Variants in GBE1 observed in about 807,000 individuals in gnomAD.
The protein encoded by GBE1 is 1,4-alpha-glucan branching enzyme 1.
A neutral mutation model predicts 88.8 loss-of-function variants in GBE1; 70 were observed. The observed-to-expected ratio is 0.79, with a 90% confidence interval of 0.65 to 0.96. The LOEUF is 0.96. GBE1 is among the 40% of genes least tolerant of loss of function. The pLI is 0.00. For missense variants in GBE1, 872 were observed against 871.0 expected, an observed-to-expected ratio of 1.00 and a Z score of -0.01; for synonymous variants, 284 against 300.1, an observed-to-expected ratio of 0.95 and a Z score of 0.56.
At position 81,657,572 on chromosome 3, in the gene GBE1, G is replaced by A. The variant is rs147113693; in HGVS notation, c.430-7651C>T. ...TTAATATATAAAAGACCACTTCCTG[G>A]GTGAATTTTTCTAAAACTGTACATA... is the stretch of plus-strand genomic sequence containing the variant. On this transcript the variant is annotated intron_variant, in intron 3 of 15. Coordinates refer to ENST00000429644, the MANE Select transcript of GBE1 (RefSeq NM_000158.4). Among the ~76,000 whole-genome samples the A allele has an allele frequency of 4.1e-3, 625 of 151,966 alleles. 9 individuals are homozygous for A. Among genetic ancestry groups the A allele is most frequent in the Middle Eastern group, 0.014 (4 of 294 alleles).
At chr3:81,558,714 T>A (rs1703381317) in intron 12 of GBE1, among the ~76,000 whole-genome samples, 1 of 152,136 alleles carries the variant, frequency 6.6e-6, no homozygotes, top group South Asian at 2.1e-4. Flanking sequence ...AATGTTAATG[T>A]GTATAATGAT....
At chr3:81,599,323 T>TGC (rs1189229935) in intron 7 of GBE1, among the ~76,000 whole-genome samples, 2 of 152,118 alleles carry the variant, frequency 1.3e-5, no homozygotes, top group African/African-American at 4.8e-5. Context: ...TGTGCTTGTG[T>TGC]GCGTGTGTGT....
At chr3:81,525,355 C>A (rs959541905) in intron 14 of GBE1, among the ~76,000 whole-genome samples, 1 of 151,980 alleles carries the variant, frequency 6.6e-6, no homozygotes, top group African/African-American at 2.4e-5. Context: ...ATATGTTGAA[C>A]CAGCCTTGCA....
chr3:81,550,789 A>C (rs1703261179), intron 12 of GBE1, among the ~76,000 whole-genome samples: 1 of 152,218 alleles, frequency 6.6e-6, no homozygotes, highest in Non-Finnish European at 1.5e-5. Flanking sequence ...ATGTGGTCTT[A>C]AAAGAGGAGG....
At chr3:81,745,158 TCTGCAA>T (rs1279233756) in intron 1 of GBE1, among the ~76,000 whole-genome samples, 1 of 152,128 alleles carries the variant, frequency 6.6e-6, no homozygotes, top group Non-Finnish European at 1.5e-5. Flanking sequence ...TTCTTACAAA[TCTGCAA>T]CAGTAAAACT....
chr3:81,607,601 TCTG>T (rs1450162256), intron 7 of GBE1, among the ~76,000 whole-genome samples: 1 of 152,100 alleles, frequency 6.6e-6, no homozygotes, highest in African/African-American at 2.4e-5. Flanking sequence ...GGCAATTAAT[TCTG>T]CTAACTATTC....
chr3:81,647,089 T>C (rs1704776479), intron 5 of GBE1, among the ~76,000 whole-genome samples: 1 of 151,788 alleles, frequency 6.6e-6, no homozygotes, highest in Admixed American at 6.6e-5. Flanking sequence ...CCCAAGTAGC[T>C]GGAACTACAG....
At chr3:81,664,163 G>T (rs1005743945) in intron 3 of GBE1, among the ~76,000 whole-genome samples, 1 of 152,104 alleles carries the variant, frequency 6.6e-6, no homozygotes, top group African/African-American at 2.4e-5. Context: ...ATGAAGAGGA[G>T]GGTCAATCTG....
rs569182597 is a variant in GBE1 at position 81,715,968 on chromosome 3, C to A, written c.144-10355G>T. Among the ~76,000 whole-genome samples the A allele has an allele frequency of 2.6e-5, 4 of 152,196 alleles. No individual in the cohort carries two copies. The South Asian group carries it at 8.3e-4, about 32-fold the overall frequency. ...AAAAAACTGGAATTGCTCTGCTATG[C>A]TAATTTTAATACAAAAATAAAATTT... On this transcript the variant is annotated intron_variant, in intron 1 of 15. Transcript: ENST00000429644.
At chr3:81,575,703 GCT>G (rs1394611938) in intron 12 of GBE1, among the ~76,000 whole-genome samples, 1 of 152,068 alleles carries the variant, frequency 6.6e-6, no homozygotes, top group East Asian at 1.9e-4. Context: ...TTCTTAAATT[GCT>G]CTTTTTAAAT....
At chr3:81,637,351 A>T (rs1254862134) in intron 7 of GBE1, among the ~76,000 whole-genome samples, 2 of 152,160 alleles carry the variant, frequency 1.3e-5, no homozygotes, top group African/African-American at 4.8e-5. Flanking sequence ...AATATTTTCA[A>T]GCTAAAGTAC....
chr3:81,586,594 G>C (rs1703805559), intron 9 of GBE1, among the ~76,000 whole-genome samples: 1 of 152,200 alleles, frequency 6.6e-6, no homozygotes, highest in African/African-American at 2.4e-5. Flanking sequence ...CCCTGATAGG[G>C]AGTGTATTTT....
chr3:81,589,007 G>A (rs1428750862), intron 9 of GBE1, among the ~76,000 whole-genome samples: 1 of 151,734 alleles, frequency 6.6e-6, no homozygotes, highest in Non-Finnish European at 1.5e-5. Context: ...AAGGTGGAAA[G>A]TTTGTGACTG....
At chr3:81,742,141 T>C (rs76194110) in intron 1 of GBE1, among the ~76,000 whole-genome samples, 214 of 152,120 alleles carry the variant, frequency 1.4e-3, no homozygotes, top group African/African-American at 4.9e-3. Flanking sequence ...CGAGAGCCTC[T>C]ACTTAAAATG....
chr3:81,598,341 T>C (rs1703986472), intron 7 of GBE1, among the ~76,000 whole-genome samples: 1 of 151,972 alleles, frequency 6.6e-6, no homozygotes, highest in Non-Finnish European at 1.5e-5. Context: ...ACCTCATGTT[T>C]TGATCTATGT....
At chr3:81,739,205 C>G (rs1706314816) in intron 1 of GBE1, among the ~76,000 whole-genome samples, 1 of 152,112 alleles carries the variant, frequency 6.6e-6, no homozygotes, top group African/African-American at 2.4e-5. Flanking sequence ...GGAATACAAA[C>G]ATTCAGACTG....
At chr3:81,710,297 C>G (rs527720196) in intron 1 of GBE1, among the ~76,000 whole-genome samples, 76 of 127,668 alleles carry the variant, frequency 6.0e-4, no homozygotes, top group African/African-American at 2.4e-3. Flanking sequence ...TGCAGTGCCG[C>G]GATCTCGGCT....
At chr3:81,664,462 G>C (rs138067973) in intron 3 of GBE1, among the ~76,000 whole-genome samples, 2,526 of 146,548 alleles carry the variant, frequency 0.017, 86 homozygotes, top group African/African-American at 0.061. Flanking sequence ...AAAAAAACCT[G>C]CCAGCACTAC....
intron 1 of GBE1, among the ~76,000 whole-genome samples, chr3:81,757,035 T>C (rs567834843): frequency 1.3e-5 from 2 of 152,244 alleles, no homozygotes; most frequent in African/African-American, 4.8e-5. Context: ...ATCTTTCTTA[T>C]CTTTTATTCA....
Sources: allele counts gnomAD v4.1 joint callset (sites outside exome capture counted in the v4.1 genomes callset), GRCh38; gene constraint gnomAD v4.1.1; transcripts MANE v1.5; gene names NCBI Gene and HGNC (gene_info 2026-07-23, HGNC 2026-07-21).